RNF220: variants seen among roughly 807,000 people sequenced by gnomAD.
The protein encoded by RNF220 is ring finger protein 220.
In RNF220, 7 loss-of-function variants were observed where a neutral mutation model predicts 67.1. That is an observed-to-expected ratio of 0.10 (90% CI 0.06 to 0.20). The LOEUF (loss-of-function observed/expected upper bound fraction) is 0.20, where lower values mean the gene tolerates loss of function less well. Ranked by LOEUF, RNF220 falls within the 10% of genes least tolerant of loss-of-function variation. The pLI is 1.00. For missense variants in RNF220, 565 were observed against 740.3 expected, an observed-to-expected ratio of 0.76 and a Z score of 2.75; for synonymous variants, 270 against 283.2, an observed-to-expected ratio of 0.95 and a Z score of 0.47.
At chr1:44,633,243 G>A (rs1258119329) in intron 6 of RNF220, among the ~76,000 whole-genome samples, 2 of 152,210 alleles carry the variant, frequency 1.3e-5, no homozygotes, top group Admixed American at 1.3e-4. Flanking sequence ...ACGCCTCTGA[G>A]AAGAGTATTA....
At chr1:44,551,560 C>T (rs1662640050) in intron 2 of RNF220, among the ~76,000 whole-genome samples, 1 of 152,174 alleles carries the variant, frequency 6.6e-6, no homozygotes, top group African/African-American at 2.4e-5. Context: ...TATTGATAGA[C>T]TGCTTTCTAG....
chr1:44,518,173 C>T (rs1034425357), intron 2 of RNF220, among the ~76,000 whole-genome samples: 1 of 152,106 alleles, frequency 6.6e-6, no homozygotes, highest in African/African-American at 2.4e-5. Context: ...CACCTGTAAT[C>T]CCAGCATTTT....
At chr1:44,573,766 C>T (rs1664611494) in intron 2 of RNF220, among the ~76,000 whole-genome samples, 1 of 152,200 alleles carries the variant, frequency 6.6e-6, no homozygotes, top group Non-Finnish European at 1.5e-5. Flanking sequence ...CCCTTGCTTA[C>T]CTCTCTGGAA....
intron 2 of RNF220, among the ~76,000 whole-genome samples, chr1:44,586,648 C>T (rs1202650432): frequency 2.6e-5 from 4 of 152,114 alleles, no homozygotes; most frequent in Admixed American, 6.5e-5. Flanking sequence ...ATAGAGGAAG[C>T]GGCAAGGTCC....
At chr1:44,550,393 G>T (rs1412639243) in intron 2 of RNF220, among the ~76,000 whole-genome samples, 2 of 152,202 alleles carry the variant, frequency 1.3e-5, no homozygotes, top group African/African-American at 4.8e-5. Flanking sequence ...AGCTGGGAAG[G>T]CTGTTGAGTA....
intron 2 of RNF220, among the ~76,000 whole-genome samples, chr1:44,553,411 T>C (rs1473323221): frequency 7.0e-6 from 1 of 143,170 alleles, no homozygotes; most frequent in African/African-American, 2.5e-5. Flanking sequence ...AATGAATGAA[T>C]GCTTCATGGC....
In RNF220 at chr1:44,601,666, G is replaced by T. The variant is rs79483104; in HGVS notation, c.626-12499G>T. Reference sequence around the variant, plus strand: ...AGGACTAAATTTCAGAGTGAAGGAGGAAGCAAGGCCACCTAGCAGAGAGAG... The same window carrying T: ...AGGACTAAATTTCAGAGTGAAGGAGTAAGCAAGGCCACCTAGCAGAGAGAG... On this transcript the variant is annotated intron_variant, in intron 2 of 14. Coordinates refer to ENST00000361799, the MANE Select transcript of RNF220 (RefSeq NM_018150.4). Among the ~76,000 whole-genome samples, 1,503 of 152,232 alleles carry T rather than the reference G, an allele frequency of 9.9e-3. 35 individuals carry two copies. The highest frequency in any genetic ancestry group is 0.034 in the African/African-American group (1,425 of 41,522).
chr1:44,417,350 T>G lies in RNF220; in HGVS notation c.625+4628T>G, dbSNP rs987427956. 1.3e-5 allele frequency among the ~76,000 whole-genome samples: 2 copies of G among 150,766 alleles called. No individual in the cohort carries two copies. Among genetic ancestry groups the G allele is most frequent in the Non-Finnish European group, 3.0e-5 (2 of 66,912 alleles). On this transcript the variant is annotated intron_variant, in intron 2 of 14. Transcript: ENST00000361799. The surrounding 1 kb of genome is among the most constrained non-coding windows in gnomAD (Gnocchi z 4.0). Reference sequence around the variant, plus strand: ...TCATGGAGACTCTTTTTCATGCTGCTGGGTTTAATTGTCTTGTTGGGATAA... The same window carrying G: ...TCATGGAGACTCTTTTTCATGCTGCGGGGTTTAATTGTCTTGTTGGGATAA...
At chr1:44,447,709 G>A (rs1652246650) in intron 2 of RNF220, among the ~76,000 whole-genome samples, 2 of 152,184 alleles carry the variant, frequency 1.3e-5, no homozygotes, top group African/African-American at 4.8e-5. Flanking sequence ...AGCCAGTGAA[G>A]TATTATTCAC....
rs565744930 is a variant in RNF220 at position 44,425,041 on chromosome 1, C to G, written c.625+12319C>G. 8.5e-5 allele frequency among the ~76,000 whole-genome samples: 13 copies of G among 152,338 alleles called. No individual in the cohort carries two copies. The South Asian group carries it at 1.9e-3, about 22-fold the overall frequency. ...ATAAAAGTTGGAGGGTTAGAGGAAT[C>G]TGTCAGTGTCAGAATTAGTCACCAA... On this transcript the variant is annotated intron_variant, in intron 2 of 14. Transcript: ENST00000361799.
intron 2 of RNF220, among the ~76,000 whole-genome samples, chr1:44,568,916 G>C (rs568895313): frequency 1.4e-3 from 207 of 152,312 alleles, no homozygotes; most frequent in African/African-American, 4.9e-3. Flanking sequence ...GGTCCAGACA[G>C]ACTGGGTCTG....
chr1:44,504,053 T>C (rs957463664), intron 2 of RNF220, among the ~76,000 whole-genome samples: 2 of 152,142 alleles, frequency 1.3e-5, no homozygotes, highest in African/African-American at 4.8e-5. Flanking sequence ...TTTCACTGTG[T>C]TAGCCAGGAT....
chr1:44,548,902 CA>C (rs1318445710), intron 2 of RNF220, among the ~76,000 whole-genome samples: 7 of 152,156 alleles, frequency 4.6e-5, no homozygotes, highest in Non-Finnish European at 1.0e-4. Flanking sequence ...TTGACACTCT[CA>C]AAACAGCTAT....
intron 2 of RNF220, among the ~76,000 whole-genome samples, chr1:44,416,265 A>ACTCAT (rs1383624932): frequency 6.6e-6 from 1 of 152,188 alleles, no homozygotes; most frequent in East Asian, 1.9e-4. Flanking sequence ...AGTCCCCAAG[A>ACTCAT]CTCATTGTCC....
intron 2 of RNF220, among the ~76,000 whole-genome samples, chr1:44,492,613 T>C (rs1462839140): frequency 6.6e-6 from 1 of 152,240 alleles, no homozygotes; most frequent in Non-Finnish European, 1.5e-5. Context: ...TTACATGCTA[T>C]AACATGGAAG....
chr1:44,579,331 AGG>A (rs1290874842), intron 2 of RNF220, among the ~76,000 whole-genome samples: 1 of 152,190 alleles, frequency 6.6e-6, no homozygotes, highest in African/African-American at 2.4e-5. Context: ...CAGACTACCG[AGG>A]AGTCTGAGCA....
intron 12 of RNF220, among the ~76,000 whole-genome samples, chr1:44,646,965 G>A (rs1403398046): frequency 2.0e-5 from 3 of 152,352 alleles, no homozygotes; most frequent in South Asian, 2.1e-4. Context: ...GAGGGACTCA[G>A]GAATAGCTCA....
chr1:44,444,594 C>G (rs1394800209), intron 2 of RNF220, among the ~76,000 whole-genome samples: 1 of 150,572 alleles, frequency 6.6e-6, no homozygotes, highest in Non-Finnish European at 1.5e-5. Flanking sequence ...CCACGCACCA[C>G]CACGCCAAGC....
intron 2 of RNF220, among the ~76,000 whole-genome samples, chr1:44,595,281 T>A (rs531523152): frequency 1.3e-5 from 2 of 152,156 alleles, no homozygotes; most frequent in Non-Finnish European, 2.9e-5. Context: ...GGCCCCTGCC[T>A]AACACCCCCT....
Sources: gnomAD v4.1 joint callset for allele counts (sites outside exome capture counted in the v4.1 genomes callset) on GRCh38, gnomAD v4.1.1 for gene constraint, Gnocchi (gnomAD v3.1) non-coding constraint, MANE v1.5 for transcripts, NCBI Gene and HGNC (gene_info 2026-07-23, HGNC 2026-07-21) for gene names.